Variants in CDK19 observed in about 807,000 individuals in gnomAD.
The protein encoded by CDK19 is cyclin dependent kinase 19.
Under a neutral mutation model 68.3 loss-of-function variants are expected in CDK19, and 20 were observed. That is an observed-to-expected ratio of 0.29 (90% confidence interval 0.21 to 0.43). The LOEUF (loss-of-function observed/expected upper bound fraction) is 0.43. Among genes scored for constraint, CDK19 ranks in the 20% least tolerant of loss-of-function variants. CDK19 has a pLI of 1.00. For missense variants in CDK19, 339 were observed against 623.5 expected, an observed-to-expected ratio of 0.54 and a Z score of 4.86; for synonymous variants, 221 against 222.8, an observed-to-expected ratio of 0.99 and a Z score of 0.07.
intron 4 of CDK19, among the ~76,000 whole-genome samples, chr6:110,662,519 T>C (rs1184997684): frequency 1.3e-5 from 2 of 152,206 alleles, no homozygotes; most frequent in Non-Finnish European, 2.9e-5. Flanking sequence ...TGCTAAAGAA[T>C]AATGTGAAAT....
chr6:110,814,792 C>A (rs1457933553), intron 1 of CDK19: 7 of 682,476 alleles, frequency 1.0e-5, no homozygotes, highest in Middle Eastern at 4.8e-4. Flanking sequence ...CGCCTCGGAC[C>A]GGGCTGCGCC....
intron 6 of CDK19, among the ~76,000 whole-genome samples, chr6:110,631,611 T>G (rs1779441250): frequency 6.6e-6 from 1 of 152,216 alleles, no homozygotes; most frequent in African/African-American, 2.4e-5. Context: ...TGCTTCTTGC[T>G]TAGGAAACAA....
intron 4 of CDK19, chr6:110,645,887 C>G: frequency 1.3e-6 from 1 of 751,192 alleles, no homozygotes; most frequent in South Asian, 1.5e-5. Flanking sequence ...ACGAAAACAG[C>G]GGCGACTCAG....
intron 1 of CDK19, among the ~76,000 whole-genome samples, chr6:110,762,385 C>T (rs1779288897): frequency 6.6e-6 from 1 of 152,176 alleles, no homozygotes; most frequent in Non-Finnish European, 1.5e-5. Flanking sequence ...TCTCTGCATT[C>T]ACCAAGCATG....
At chr6:110,731,106 AAAAG>A in intron 2 of CDK19, among the ~76,000 whole-genome samples, 1 of 147,428 alleles carries the variant, frequency 6.8e-6, no homozygotes, top group Middle Eastern at 3.4e-3. Context: ...GAAAGAAAAG[AAAAG>A]AAAGGAAAAG....
intron 1 of CDK19, among the ~76,000 whole-genome samples, chr6:110,798,643 A>G (rs940547038): frequency 6.6e-6 from 1 of 151,158 alleles, no homozygotes; most frequent in Non-Finnish European, 1.5e-5. Context: ...AAAAAAAAAA[A>G]AAAAAAGAAA....
chr6:110,640,037 T>C (rs1780033718), intron 4 of CDK19, among the ~76,000 whole-genome samples: 1 of 151,792 alleles, frequency 6.6e-6, no homozygotes, highest in Non-Finnish European at 1.5e-5. Flanking sequence ...AAACACAAAA[T>C]AGTAAGATTC....
At chr6:110,625,146 T>C (rs754814651) in intron 8 of CDK19, among the ~76,000 whole-genome samples, 32 of 152,248 alleles carry the variant, frequency 2.1e-4, no homozygotes, top group Non-Finnish European at 1.3e-4. Flanking sequence ...GCTACACAAA[T>C]GTAGCTTTTA....
intron 8 of CDK19, among the ~76,000 whole-genome samples, chr6:110,625,710 C>G (rs1779047425): frequency 6.6e-6 from 1 of 151,896 alleles, no homozygotes; most frequent in Non-Finnish European, 1.5e-5. Context: ...GGGAAAATAC[C>G]TAGAGTGAGA....
At chr6:110,663,225 G>A (rs1781722568) in intron 4 of CDK19, among the ~76,000 whole-genome samples, 1 of 152,114 alleles carries the variant, frequency 6.6e-6, no homozygotes, top group Admixed American at 6.5e-5. Flanking sequence ...ATTTCTTACA[G>A]CAATAGAAAA....
At chr6:110,675,268 C>A (rs1181569009) in intron 2 of CDK19, among the ~76,000 whole-genome samples, 1 of 152,130 alleles carries the variant, frequency 6.6e-6, no homozygotes, top group East Asian at 1.9e-4. Flanking sequence ...GGGTTTAACG[C>A]AACTGGTGAT....
intron 2 of CDK19, among the ~76,000 whole-genome samples, chr6:110,677,180 C>A (rs1771600939): frequency 6.6e-6 from 1 of 152,178 alleles, no homozygotes; most frequent in Admixed American, 6.5e-5. Flanking sequence ...AAATCCTTAA[C>A]TGATCATCTG....
intron 4 of CDK19, among the ~76,000 whole-genome samples, chr6:110,655,576 A>C (rs1781261602): frequency 6.6e-6 from 1 of 152,094 alleles, no homozygotes; most frequent in Admixed American, 6.6e-5. Context: ...TCAGTCACAA[A>C]GTCAACAAAA....
At chr6:110,767,511 T>G (rs1200214849) in intron 1 of CDK19, among the ~76,000 whole-genome samples, 1 of 148,038 alleles carries the variant, frequency 6.8e-6, no homozygotes, top group African/African-American at 2.5e-5. Flanking sequence ...TACGTCACCA[T>G]GCCTGGCTAA....
chr6:110,729,308 T>C (rs1055085370), intron 2 of CDK19, among the ~76,000 whole-genome samples: 1 of 152,212 alleles, frequency 6.6e-6, no homozygotes, highest in Non-Finnish European at 1.5e-5. Flanking sequence ...CTACCTTCTA[T>C]TGGACAAGAG....
intron 1 of CDK19, among the ~76,000 whole-genome samples, chr6:110,771,050 T>A (rs1250467519): frequency 6.6e-6 from 1 of 152,116 alleles, no homozygotes; most frequent in Admixed American, 6.5e-5. Flanking sequence ...CGGGCTGGTG[T>A]TGAGTGTCTG....
At chr6:110,720,853 G>GTCTCATAA (rs1775821373) in intron 2 of CDK19, among the ~76,000 whole-genome samples, 2 of 144,872 alleles carry the variant, frequency 1.4e-5, no homozygotes, top group South Asian at 4.4e-4. Context: ...GAATAACAGG[G>GTCTCATAA]CTAGACTCTG....
intron 1 of CDK19, among the ~76,000 whole-genome samples, chr6:110,765,927 A>G (rs559346716): frequency 2.0e-5 from 3 of 152,318 alleles, no homozygotes; most frequent in Admixed American, 2.0e-4. Flanking sequence ...TAAAATGGCT[A>G]TTATCAAAAA....
intron 1 of CDK19, among the ~76,000 whole-genome samples, chr6:110,789,102 G>C (rs1393971058): frequency 6.6e-6 from 1 of 152,190 alleles, no homozygotes; most frequent in Non-Finnish European, 1.5e-5. Context: ...TGAGCTCACA[G>C]CAATAGCAAG....
Sources: allele counts gnomAD v4.1 joint callset (sites outside exome capture counted in the v4.1 genomes callset), GRCh38; gene constraint gnomAD v4.1.1; transcripts MANE v1.5; gene names NCBI Gene and HGNC (gene_info 2026-07-23, HGNC 2026-07-21).